Variants in CACNA2D3 observed in about 807,000 individuals in gnomAD.
CACNA2D3 encodes calcium voltage-gated channel auxiliary subunit alpha2delta 3.
CACNA2D3 carries 60 observed loss-of-function variants against 160.6 expected under a neutral mutation model. The ratio of observed to expected loss-of-function variants is 0.37; its 90% CI spans 0.30 to 0.46. The LOEUF is 0.46. Among genes scored for constraint, CACNA2D3 ranks in the 20% least tolerant of loss-of-function variants. The pLI is 1.00. For synonymous variants in CACNA2D3, 558 were observed against 492.9 expected (o/e 1.13, Z -1.75); for missense variants, 1,205 against 1,365.0 (o/e 0.88, Z 1.85).
rs142779297 is a variant in CACNA2D3, at chr3:54,560,959, C to T, written c.545-1841C>T. Among the ~76,000 whole-genome samples the T allele has an allele frequency of 2.3e-4, 35 of 152,232 alleles. No individual in the cohort carries two copies. In the East Asian group the frequency reaches 4.8e-3, roughly 21 times the overall value. The stretch of plus-strand genomic sequence containing the variant: ...TGTATCTGTTCTCATACCAGTACCA[C>T]TGCTGTTTTGGTTACTGTAGCCCTG... On this transcript the variant is annotated intron_variant, in intron 5 of 37. Coordinates refer to ENST00000474759, the MANE Select transcript of CACNA2D3 (RefSeq NM_018398.3).
chr3:54,124,746 C>T (rs568700022), intron 2 of CACNA2D3, among the ~76,000 whole-genome samples: 25 of 152,178 alleles, frequency 1.6e-4, no homozygotes, highest in Non-Finnish European at 2.9e-4. Flanking sequence ...GTTTAAAAAT[C>T]GCCAATAGCC....
intron 4 of CACNA2D3, among the ~76,000 whole-genome samples, chr3:54,450,603 T>G (rs1700289296): frequency 6.6e-6 from 1 of 151,998 alleles, no homozygotes; most frequent in Admixed American, 6.6e-5. Flanking sequence ...GTGCTGGTTG[T>G]TAAAAAGCGC....
chr3:54,223,543 T>C (rs1701612279), intron 2 of CACNA2D3, among the ~76,000 whole-genome samples: 1 of 152,136 alleles, frequency 6.6e-6, no homozygotes, highest in South Asian at 2.1e-4. Context: ...ACTTTATAAA[T>C]ACTGTACACT....
intron 11 of CACNA2D3, among the ~76,000 whole-genome samples, chr3:54,728,803 A>G (rs184611551): frequency 6.6e-6 from 1 of 152,306 alleles, no homozygotes; most frequent in East Asian, 1.9e-4. Flanking sequence ...TGTAGTTTCT[A>G]CATGTGCTGT....
intron 27 of CACNA2D3, among the ~76,000 whole-genome samples, chr3:54,946,841 C>T (rs1037234180): frequency 6.6e-6 from 1 of 151,074 alleles, no homozygotes; most frequent in African/African-American, 2.4e-5. Flanking sequence ...ATGATGGGAC[C>T]ATTTAGTCCC....
rs147325275 is a variant in CACNA2D3 at position 54,152,549 on chromosome 3, G to T, written c.204+28955G>T. ...CAGAAGCTGTTCATTTGTCCACCTC[G>T]TGGCCCAGGGAGCAGTGGCCTGGGC... is the stretch of plus-strand genomic sequence containing the variant. On this transcript the variant is annotated intron_variant, in intron 2 of 37. Coordinates refer to ENST00000474759, the MANE Select transcript of CACNA2D3 (RefSeq NM_018398.3). Among the ~76,000 whole-genome samples the T allele has an allele frequency of 9.2e-5, 14 of 152,218 alleles. 1 individual carries two copies. The highest frequency in any genetic ancestry group is 2.6e-4 in the African/African-American group (11 of 41,540).
intron 5 of CACNA2D3, among the ~76,000 whole-genome samples, chr3:54,544,544 T>G (rs1280828509): frequency 2.0e-5 from 3 of 152,110 alleles, no homozygotes; most frequent in Non-Finnish European, 4.4e-5. Flanking sequence ...GCTAGAAGTA[T>G]AGGTGTGCAC....
intron 2 of CACNA2D3, among the ~76,000 whole-genome samples, chr3:54,193,400 CT>C (rs912116741): frequency 1.3e-5 from 2 of 152,298 alleles, no homozygotes; most frequent in African/African-American, 4.8e-5. Context: ...AGGGTTCAGT[CT>C]TTTTGGAATT....
intron 2 of CACNA2D3, among the ~76,000 whole-genome samples, chr3:54,188,380 C>T (rs1429980721): frequency 1.3e-5 from 2 of 152,220 alleles, no homozygotes; most frequent in East Asian, 3.8e-4. Context: ...ACCTGTCCAG[C>T]TTCAGGACCT....
rs775275975 is a variant in CACNA2D3 at position 54,896,822 on chromosome 3, G to A, written c.2320G>A (p.Ala774Thr). ...DHFPLWYRRA[A>T]EQIPGSFVYS... ...TTTCCCTCTCTGGTACCGAAGAGCC[G>A]CTGAGCAGATTCCAGGGAGCTTCGT... Residue 774 changes from alanine (A) to threonine (T), a missense_variant, in exon 26 of 38, where the codon GCT becomes ACT. Physicochemically the swap from Ala to Thr is moderately conservative, Grantham distance 58 (BLOSUM62 0). Transcript: ENST00000474759. 22 of 1,613,880 alleles carry A rather than the reference G, an allele frequency of 1.4e-5. No homozygotes were observed. The East Asian group carries it at 2.7e-4, about 20-fold the overall frequency.
At chr3:54,338,991 G>T (rs995336577) in intron 3 of CACNA2D3, among the ~76,000 whole-genome samples, 2 of 152,198 alleles carry the variant, frequency 1.3e-5, no homozygotes, top group Admixed American at 6.5e-5. Flanking sequence ...TTATTTCGCA[G>T]TCTATAGAAT....
chr3:54,389,812 G>A (rs570915697), intron 4 of CACNA2D3, among the ~76,000 whole-genome samples: 23 of 152,176 alleles, frequency 1.5e-4, no homozygotes, highest in Non-Finnish European at 3.2e-4. Flanking sequence ...AAGAGATGAG[G>A]ACACATGACT....
intron 2 of CACNA2D3, among the ~76,000 whole-genome samples, chr3:54,183,530 A>C (rs1700821126): frequency 6.6e-6 from 1 of 151,960 alleles, no homozygotes; most frequent in Admixed American, 6.6e-5. Context: ...AAGCCCATAG[A>C]TTAAAAAAAA....
intron 11 of CACNA2D3, among the ~76,000 whole-genome samples, chr3:54,647,359 G>A (rs1039422393): frequency 9.2e-5 from 14 of 152,192 alleles, no homozygotes; most frequent in African/African-American, 3.1e-4. Context: ...TAAAGCATCC[G>A]CAAGCCTAGT....
chr3:54,699,913 A>G (rs1021074943), intron 11 of CACNA2D3, among the ~76,000 whole-genome samples: 8 of 152,166 alleles, frequency 5.3e-5, no homozygotes, highest in African/African-American at 1.7e-4. Context: ...AATAACCCAA[A>G]CTATGCCAAC....
At chr3:54,681,607 T>C in intron 11 of CACNA2D3, among the ~76,000 whole-genome samples, 1 of 151,308 alleles carries the variant, frequency 6.6e-6, no homozygotes, top group East Asian at 1.9e-4. Flanking sequence ...GTGGACATGA[T>C]GACATATAGG....
chr3:55,041,577 A>C (rs909836157), intron 35 of CACNA2D3, among the ~76,000 whole-genome samples: 1 of 152,184 alleles, frequency 6.6e-6, no homozygotes, highest in African/African-American at 2.4e-5. Flanking sequence ...AATGTGTTGC[A>C]AATGATTTTC....
intron 2 of CACNA2D3, among the ~76,000 whole-genome samples, chr3:54,215,958 A>G (rs1212127615): frequency 1.3e-5 from 2 of 151,254 alleles, no homozygotes; most frequent in Non-Finnish European, 2.9e-5. Context: ...ATGCATGTGT[A>G]TGTGTACATG....
chr3:54,816,919 A>G (rs747855406), intron 14 of CACNA2D3, 49 bp downstream of exon 14: 7 of 1,598,334 alleles, frequency 4.4e-6, no homozygotes, highest in Admixed American at 1.7e-5. Flanking sequence ...CTCACGAGTC[A>G]TGCATGCCTC....
Sources: allele counts gnomAD v4.1 joint callset (sites outside exome capture counted in the v4.1 genomes callset), GRCh38; gene constraint gnomAD v4.1.1; transcripts MANE v1.5; gene names NCBI Gene and HGNC (gene_info 2026-07-23, HGNC 2026-07-21).